LGALS3: variants seen among roughly 807,000 people sequenced by gnomAD.
The protein encoded by LGALS3 is galectin 3, also known as galectin-3.
LGALS3 carries 18 observed loss-of-function variants against 20.7 expected under a neutral mutation model. The ratio of observed to expected loss-of-function variants is 0.87; its 90% confidence interval spans 0.60 to 1.29. The LOEUF (loss-of-function observed/expected upper bound fraction) is 1.29, where lower values mean the gene tolerates loss of function less well. LGALS3 is among the 50% of genes most tolerant of loss of function. The pLI, the probability that LGALS3 is intolerant of heterozygous loss-of-function variation, is 0.00. For synonymous variants in LGALS3, 112 were observed against 119.6 expected (o/e 0.94, Z 0.42); for missense variants, 315 against 314.7 (o/e 1.00, Z -0.01).
At chr14:55,130,796 A>G (rs975779175) in intron 1 of LGALS3, among the ~76,000 whole-genome samples, 3 of 148,418 alleles carry the variant, frequency 2.0e-5, no homozygotes, top group Admixed American at 6.7e-5. Flanking sequence ...CTGGTCTCGA[A>G]CCCCCGACCT....
chr14:55,137,387 T>C lies in LGALS3; in HGVS notation c.14T>C (p.Phe5Ser). 3 of 1,614,178 alleles carry C rather than the reference T, an allele frequency of 1.9e-6. No individual in the cohort carries two copies. The highest frequency in any genetic ancestry group is 2.5e-6 in the Non-Finnish European group (3 of 1,180,008). Residue 5 changes from phenylalanine (F) to serine (S), a missense_variant, in exon 2 of 6, where the codon TTT becomes TCT. Coordinates refer to ENST00000254301, the MANE Select transcript of LGALS3 (RefSeq NM_002306.4). ...TCTTTCAGGAAAATGGCAGACAATTTTTCGGTAAGTGTTTTATGCCTGTTT... is the reference window on the plus strand; with the variant it reads ...TCTTTCAGGAAAATGGCAGACAATTCTTCGGTAAGTGTTTTATGCCTGTTT... MADN[F>S]SLHDALSGSG...
At position 55,132,025 on chromosome 14, in the gene LGALS3, G is replaced by A. The variant is rs116163094; in HGVS notation, c.-5+2725G>A. Among the ~76,000 whole-genome samples, 1,100 of 152,308 alleles carry A rather than the reference G, an allele frequency of 7.2e-3. 11 individuals carry two copies. The highest frequency in any genetic ancestry group is 0.025 in the African/African-American group (1,034 of 41,566). ...AGTAGTCTTCTTCTGTGACGGTTGC[G>A]CACAGGTCAGGGACCTTTATGAGCA... On this transcript the variant is annotated intron_variant, in intron 1 of 5. Transcript: ENST00000254301.
Position 55,140,306 on chromosome 14 carries a change from G to A in LGALS3, c.374G>A (p.Gly125Glu). 6.2e-7 allele frequency: 1 copy of A among 1,613,748 alleles called. No homozygotes were observed. The highest frequency in any genetic ancestry group is 1.1e-5 in the South Asian group (1 of 91,010). The change falls in exon 4 of 6, where the codon GGA (glycine) becomes GAA (glutamate). Residue 125 changes from glycine (G) to glutamate (E), a missense_variant. Gly to Glu is a moderately conservative substitution (Grantham distance 98, BLOSUM62 -2). Coordinates refer to ENST00000254301, the MANE Select transcript of LGALS3 (RefSeq NM_002306.4). ...IVPYNLPLPG[G>E]VVPRMLITIL... The stretch of plus-strand genomic sequence containing the variant: ...CCTTATAACCTGCCTTTGCCTGGGG[G>A]AGTGGTGCCTCGCATGCTGATAACA...
In LGALS3 at chr14:55,140,313, G is replaced by A. The variant is rs1406972232; in HGVS notation, c.381G>A (p.Val127=). ...ACCTGCCTTTGCCTGGGGGAGTGGT[G>A]CCTCGCATGCTGATAACAATTCTGG... The part of the protein sequence containing the change: ...PYNLPLPGGV[V]PRMLITILGT... The change falls in exon 4 of 6, where the codon GTG becomes GTA. Residue 127 remains valine (V), a synonymous_variant. Coordinates refer to ENST00000254301, the MANE Select transcript of LGALS3 (RefSeq NM_002306.4). The A allele has an allele frequency of 5.0e-6, 8 of 1,613,682 alleles. No homozygotes were observed. The African/African-American group carries it at 8.0e-5, about 16-fold the overall frequency.
intron 4 of LGALS3, among the ~76,000 whole-genome samples, chr14:55,140,994 G>A (rs1881603974): frequency 6.6e-6 from 1 of 152,108 alleles, no homozygotes; most frequent in Non-Finnish European, 1.5e-5. Context: ...AACCATCTGA[G>A]ATGCCTGCCC....
chr14:55,132,905 T>C (rs1392454142), intron 1 of LGALS3, among the ~76,000 whole-genome samples: 1 of 152,220 alleles, frequency 6.6e-6, no homozygotes, highest in African/African-American at 2.4e-5. Context: ...TGGTTGGAAG[T>C]TGACGGGGCA....
chr14:55,139,804 C>T (rs1881553867), intron 3 of LGALS3, among the ~76,000 whole-genome samples: 1 of 152,100 alleles, frequency 6.6e-6, no homozygotes, highest in Non-Finnish European at 1.5e-5. Flanking sequence ...AGTGTTCATT[C>T]CATAAATATT....
chr14:55,137,930 A>C, intron 2 of LGALS3, 115 bp from the exon 3 acceptor site: 1 of 1,376,952 alleles, frequency 7.3e-7, no homozygotes, highest in Non-Finnish European at 9.4e-7. Flanking sequence ...AATGATATGC[A>C]TGTAATGCCT....
chr14:55,145,015 G>C (rs1398006979), intron 5 of LGALS3, 101 bp from the exon 6 acceptor site: 6 of 922,896 alleles, frequency 6.5e-6, no homozygotes, highest in Non-Finnish European at 1.0e-5. Context: ...ACAAAAAATT[G>C]TTTCTATAGT....
At chr14:55,133,217 C>T (rs889467710) in intron 1 of LGALS3, among the ~76,000 whole-genome samples, 5 of 152,082 alleles carry the variant, frequency 3.3e-5, no homozygotes, top group African/African-American at 1.2e-4. Flanking sequence ...GTAGAATGAG[C>T]CTAAATAAGG....
chr14:55,141,414 C>G (rs1312553382), intron 4 of LGALS3, among the ~76,000 whole-genome samples: 2 of 152,202 alleles, frequency 1.3e-5, no homozygotes, highest in Admixed American at 6.5e-5. Flanking sequence ...CCTGTGCACA[C>G]AGCACTCATG....
At chr14:55,131,989 G>C (rs891080016) in intron 1 of LGALS3, among the ~76,000 whole-genome samples, 1 of 152,228 alleles carries the variant, frequency 6.6e-6, no homozygotes, top group African/African-American at 2.4e-5. Flanking sequence ...GCAGTGCCTA[G>C]GGGCTCAGGA....
chr14:55,130,037 G>C (rs1030247648), intron 1 of LGALS3, among the ~76,000 whole-genome samples: 3 of 152,202 alleles, frequency 2.0e-5, no homozygotes, highest in African/African-American at 7.2e-5. Flanking sequence ...GGCATGACCC[G>C]GCTTTGCAAA....
intron 5 of LGALS3, among the ~76,000 whole-genome samples, chr14:55,144,911 G>C (rs1457488934): frequency 3.9e-5 from 6 of 152,188 alleles, no homozygotes; most frequent in African/African-American, 1.4e-4. Flanking sequence ...ATCTTAACTG[G>C]TCCCACAAAT....
Position 55,138,123 on chromosome 14 carries a change from G to C in LGALS3, c.97G>C (p.Ala33Pro). The change falls in exon 3 of 6, where the codon GCA (alanine) becomes CCA (proline). Residue 33 changes from alanine (A) to proline (P), a missense_variant. Ala to Pro is a conservative substitution (Grantham distance 27). Transcript: ENST00000254301. ...PGAWGNQPAG[A>P]GGYPGASYPG... ...CGCATGGGGGAACCAGCCTGCTGGG[G>C]CAGGGGGCTACCCAGGGGCTTCCTA... is the stretch of plus-strand genomic sequence containing the variant. 1 of 1,556,044 alleles carries C rather than the reference G, an allele frequency of 6.4e-7. No homozygotes were observed. Among genetic ancestry groups the C allele is most frequent in the African/African-American group, 1.4e-5 (1 of 72,502 alleles).
intron 5 of LGALS3, chr14:55,143,834 C>T (rs1019948821): frequency 1.1e-5 from 1 of 90,932 alleles, no homozygotes; most frequent in Non-Finnish European, 2.2e-5. Flanking sequence ...ACTGTAATAA[C>T]TATCCTTACA....
chr14:55,134,668 G>A (rs1425589664), intron 1 of LGALS3, among the ~76,000 whole-genome samples: 1 of 152,168 alleles, frequency 6.6e-6, no homozygotes, highest in Non-Finnish European at 1.5e-5. Context: ...GGGGAAGGAG[G>A]CACATGCAGA....
Position 55,138,247 on chromosome 14 carries a change from C to T in LGALS3, c.221C>T (p.Pro74Leu), listed in dbSNP as rs775419057. The change falls in exon 3 of 6, where the codon CCT becomes CTT. Residue 74 changes from proline to leucine, a missense_variant. By Grantham distance (98) the Pro-to-Leu change is moderately conservative. Coordinates refer to ENST00000254301, the MANE Select transcript of LGALS3 (RefSeq NM_002306.4). Reference protein sequence around the residue: ...PGAPGAYPGAPAPGVYPGPPS... With the variant: ...PGAPGAYPGALAPGVYPGPPS... ...GCACCTGGAGCTTATCCCGGAGCAC[C>T]TGCACCTGGAGTCTACCCAGGGCCA... The T allele has an allele frequency of 1.3e-5, 21 of 1,612,600 alleles. No homozygotes were observed. Among genetic ancestry groups the T allele is most frequent in the Non-Finnish European group, 1.8e-5 (21 of 1,179,508 alleles).
At chr14:55,130,100 T>C (rs1881182429) in intron 1 of LGALS3, among the ~76,000 whole-genome samples, 1 of 152,154 alleles carries the variant, frequency 6.6e-6, no homozygotes, top group Non-Finnish European at 1.5e-5. Context: ...GCCCAGACTG[T>C]CTGTGCCCAG....
Sources: gnomAD v4.1 joint callset for allele counts (sites outside exome capture counted in the v4.1 genomes callset) on GRCh38, gnomAD v4.1.1 for gene constraint, MANE v1.5 for transcripts, NCBI Gene and HGNC (gene_info 2026-07-23, HGNC 2026-07-21) for gene names.